SLC9D1: variants seen among roughly 807,000 people sequenced by gnomAD.
SLC9D1 encodes the protein solute carrier family 9 member D1.
At chr13:113,549,671 C>T in the SLC9D1 span, 23 of 1,015,900 alleles carry the variant, frequency 2.3e-5, no homozygotes, top group Non-Finnish European at 3.3e-5. Context: ...TCAGTGCAGT[C>T]GTGTTATCCC....
the SLC9D1 span, among the ~76,000 whole-genome samples, chr13:113,539,682 A>G: frequency 6.6e-6 from 1 of 152,220 alleles, no homozygotes; most frequent in Non-Finnish European, 1.5e-5. This position sits in a 1 kb window ranked among gnomAD's most constrained non-coding sequence, Gnocchi z 4.8. Context: ...TCTGCTTTAT[A>G]GAGCGCAGAG....
chr13:113,547,280 G>A, the SLC9D1 span: 1 of 1,605,732 alleles, frequency 6.2e-7, no homozygotes, highest in Non-Finnish European at 8.5e-7. Flanking sequence ...GTCGTAACGT[G>A]TCTGTCCTGT....
At chr13:113,543,799 T>C in the SLC9D1 span, among the ~76,000 whole-genome samples, 2 of 151,828 alleles carry the variant, frequency 1.3e-5, no homozygotes, top group East Asian at 2.0e-4. Flanking sequence ...TACACAGACA[T>C]GCTTGCCTTG....
the SLC9D1 span, among the ~76,000 whole-genome samples, chr13:113,518,750 A>G: frequency 6.6e-6 from 1 of 152,212 alleles, no homozygotes; most frequent in Non-Finnish European, 1.5e-5. Flanking sequence ...ATTAGTTGGG[A>G]GGCAATTTTA....
the SLC9D1 span, among the ~76,000 whole-genome samples, chr13:113,517,324 C>T: frequency 6.6e-6 from 1 of 152,268 alleles, no homozygotes; most frequent in East Asian, 1.9e-4. Context: ...GTTCCACCTC[C>T]CGGGTTCACG....
At chr13:113,547,859 A>G in the SLC9D1 span, among the ~76,000 whole-genome samples, 2 of 152,172 alleles carry the variant, frequency 1.3e-5, no homozygotes, top group African/African-American at 4.8e-5. Context: ...TTAAGGAGCC[A>G]GAAGCTGTGA....
chr13:113,547,710 G>A, the SLC9D1 span, among the ~76,000 whole-genome samples: 11 of 152,214 alleles, frequency 7.2e-5, no homozygotes, highest in African/African-American at 2.7e-4. Context: ...ACTGGAAAAT[G>A]GTGTAGGCAC....
the SLC9D1 span, among the ~76,000 whole-genome samples, chr13:113,544,150 C>T: frequency 1.3e-5 from 2 of 152,242 alleles, no homozygotes; most frequent in South Asian, 2.1e-4. Flanking sequence ...CGCAGAGACT[C>T]CTCTGCAGGT....
chr13:113,494,683 G>T, the SLC9D1 span, among the ~76,000 whole-genome samples: 1 of 151,734 alleles, frequency 6.6e-6, no homozygotes, highest in Non-Finnish European at 1.5e-5. Context: ...TTTAATTCTT[G>T]ACATCTTGGT....
the SLC9D1 span, among the ~76,000 whole-genome samples, chr13:113,524,833 A>C: frequency 6.6e-6 from 1 of 152,122 alleles, no homozygotes; most frequent in Non-Finnish European, 1.5e-5. Context: ...AAATCCACTC[A>C]GCCAGTCTCT....
At chr13:113,549,548 G>T in the SLC9D1 span, 2 of 1,614,026 alleles carry the variant, frequency 1.2e-6, no homozygotes, top group Non-Finnish European at 1.7e-6. Context: ...ATGGCTCGGA[G>T]ATGATGGACC....
chr13:113,540,727 G>A, the SLC9D1 span, among the ~76,000 whole-genome samples: 1 of 152,232 alleles, frequency 6.6e-6, no homozygotes, highest in Non-Finnish European at 1.5e-5. Context: ...GAAGCTCCTT[G>A]GCTCACTTGG....
the SLC9D1 span, among the ~76,000 whole-genome samples, chr13:113,537,829 G>A: frequency 6.6e-6 from 1 of 152,304 alleles, no homozygotes; most frequent in South Asian, 2.1e-4. Context: ...TGAATGCCAT[G>A]CGTTGAAAAG....
chr13:113,509,891 A>C, the SLC9D1 span, among the ~76,000 whole-genome samples: 3 of 152,174 alleles, frequency 2.0e-5, no homozygotes, highest in African/African-American at 7.2e-5. Flanking sequence ...TTTACTGGCC[A>C]CGTGACCTTG....
chr13:113,495,449 A>G, the SLC9D1 span: 1 of 645,550 alleles, frequency 1.5e-6, no homozygotes, highest in East Asian at 2.6e-5. Context: ...TAATACTCTG[A>G]TCAATAGTAA....
At chr13:113,533,179 C>G in the SLC9D1 span, among the ~76,000 whole-genome samples, 1 of 150,960 alleles carries the variant, frequency 6.6e-6, no homozygotes, top group Non-Finnish European at 1.5e-5. Context: ...AAGTTGCAGA[C>G]GTGGGCCCTG....
the SLC9D1 span, among the ~76,000 whole-genome samples, chr13:113,518,864 T>G: frequency 6.6e-6 from 1 of 152,238 alleles, no homozygotes; most frequent in African/African-American, 2.4e-5. Flanking sequence ...CCAAGATATT[T>G]TGTTCACCAA....
chr13:113,510,696 T>C, the SLC9D1 span, among the ~76,000 whole-genome samples: 7 of 152,204 alleles, frequency 4.6e-5, no homozygotes, highest in African/African-American at 1.7e-4. Flanking sequence ...ACCAAGATTT[T>C]GAAAAACCAG....
chr13:113,534,591 G>T, the SLC9D1 span: 1 of 318,106 alleles, frequency 3.1e-6, no homozygotes, highest in Non-Finnish European at 5.7e-6. Flanking sequence ...AAGTTTGGGA[G>T]CAGCCAGGAC....
Sources: gnomAD v4.1 joint callset for allele counts (sites outside exome capture counted in the v4.1 genomes callset) on GRCh38, gnomAD v4.1.1 for gene constraint, Gnocchi (gnomAD v3.1) non-coding constraint, MANE v1.5 for transcripts, NCBI Gene and HGNC (gene_info 2026-07-23, HGNC 2026-07-21) for gene names.